TLL1: variants seen among roughly 807,000 people sequenced by gnomAD.
TLL1 encodes tolloid-like protein 1.
TLL1 carries 49 observed loss-of-function variants against 128.2 expected under a neutral mutation model. The observed-to-expected ratio is 0.38, with a 90% confidence interval of 0.30 to 0.48. The LOEUF is 0.48. Among genes scored for constraint, TLL1 ranks in the 20% least tolerant of loss-of-function variants. TLL1 has a pLI of 0.96. For synonymous variants in TLL1, 454 were observed against 418.8 expected, an observed-to-expected ratio of 1.08 and a Z score of -1.03; for missense variants, 1,123 against 1,242.0, an observed-to-expected ratio of 0.90 and a Z score of 1.44.
intron 18 of TLL1, among the ~76,000 whole-genome samples, chr4:166,080,317 T>G (rs2111144249): frequency 6.6e-6 from 1 of 152,264 alleles, no homozygotes; most frequent in Non-Finnish European, 1.5e-5. Flanking sequence ...TAACCTTAAT[T>G]ACCTCCCTAA....
intron 1 of TLL1, among the ~76,000 whole-genome samples, chr4:165,896,601 G>C (rs897395744): frequency 3.4e-5 from 5 of 149,006 alleles, no homozygotes; most frequent in African/African-American, 1.2e-4. Flanking sequence ...TCCTGCCTCA[G>C]CCTCCCAAGT....
At chr4:165,994,305 C>T in intron 3 of TLL1, 76 bp from the exon 4 acceptor site, 2 of 1,566,052 alleles carry the variant, frequency 1.3e-6, no homozygotes, top group South Asian at 2.3e-5. Context: ...GACATTTTAA[C>T]TTTTGTCCTT....
At chr4:166,095,936 ATGTG>A (rs1560868703) in intron 19 of TLL1, among the ~76,000 whole-genome samples, 1 of 152,102 alleles carries the variant, frequency 6.6e-6, no homozygotes, top group Non-Finnish European at 1.5e-5. Flanking sequence ...TGTGATGAAA[ATGTG>A]TTCACCGTAT....
chr4:165,961,668 T>C (rs1270355931), intron 1 of TLL1, among the ~76,000 whole-genome samples: 1 of 152,060 alleles, frequency 6.6e-6, no homozygotes, highest in Non-Finnish European at 1.5e-5. Flanking sequence ...CAAAGCTGCA[T>C]ACCTACAACC....
intron 1 of TLL1, among the ~76,000 whole-genome samples, chr4:165,955,778 C>G (rs1734757392): frequency 6.6e-6 from 1 of 152,144 alleles, no homozygotes. Flanking sequence ...TACAAGAGGT[C>G]TTTAAAGGAG....
intron 1 of TLL1, among the ~76,000 whole-genome samples, chr4:165,906,542 A>G (rs996050017): frequency 6.6e-6 from 1 of 152,184 alleles, no homozygotes; most frequent in Non-Finnish European, 1.5e-5. Flanking sequence ...GGAAATACAA[A>G]CTATTTTAAT....
In TLL1 at chr4:165,921,052, G is replaced by A. The variant is rs115429150; in HGVS notation, c.169+46979G>A. 3.1e-3 allele frequency among the ~76,000 whole-genome samples: 463 copies of A among 151,610 alleles called. 1 individual carries two copies. Among genetic ancestry groups the A allele is most frequent in the African/African-American group, 0.011 (446 of 41,336 alleles). ...GGAACATGCAGTTCAAAAGCTTCAG[G>A]TATACTCTAAGTTCAGACACCCCTT... On this transcript the variant is annotated intron_variant, in intron 1 of 20. Coordinates refer to ENST00000061240, the MANE Select transcript of TLL1 (RefSeq NM_012464.5).
At chr4:166,056,237 G>A (rs979444617) in intron 13 of TLL1, among the ~76,000 whole-genome samples, 3 of 152,024 alleles carry the variant, frequency 2.0e-5, no homozygotes, top group Non-Finnish European at 4.4e-5. Flanking sequence ...CTTCTTTCAT[G>A]TGATATTCAT....
At chr4:166,058,538 A>G (rs1043156473) in intron 14 of TLL1, among the ~76,000 whole-genome samples, 2 of 152,142 alleles carry the variant, frequency 1.3e-5, no homozygotes, top group Admixed American at 1.3e-4. Context: ...TCTTACCATT[A>G]TCTATGATCT....
intron 18 of TLL1, 65 bp downstream of exon 18, chr4:166,078,095 T>A: frequency 6.2e-7 from 1 of 1,605,194 alleles, no homozygotes; most frequent in Non-Finnish European, 8.5e-7. Flanking sequence ...TACAAGCACT[T>A]GGAAATAAAA....
At chr4:165,962,680 G>C (rs1222257743) in intron 1 of TLL1, among the ~76,000 whole-genome samples, 2 of 152,048 alleles carry the variant, frequency 1.3e-5, no homozygotes, top group Non-Finnish European at 2.9e-5. Context: ...ATGGTGGACT[G>C]GATAAAGAAA....
chr4:165,931,533 C>T (rs75632042), intron 1 of TLL1, among the ~76,000 whole-genome samples: 73 of 151,682 alleles, frequency 4.8e-4, no homozygotes, highest in African/African-American at 9.0e-4. Flanking sequence ...CTGGCCAACA[C>T]GGTGAAACCC....
chr4:165,945,856 G>A (rs1339878314), intron 1 of TLL1, among the ~76,000 whole-genome samples: 1 of 152,130 alleles, frequency 6.6e-6, no homozygotes, highest in East Asian at 1.9e-4. Flanking sequence ...CTGCTCTGAA[G>A]GGACTCTGCA....
intron 1 of TLL1, among the ~76,000 whole-genome samples, chr4:165,903,893 T>C (rs1732126690): frequency 6.6e-6 from 1 of 152,036 alleles, no homozygotes; most frequent in African/African-American, 2.4e-5. Context: ...CATCAAGGGG[T>C]ATACATAAAA....
At chr4:165,937,255 A>G (rs997261632) in intron 1 of TLL1, among the ~76,000 whole-genome samples, 2 of 152,118 alleles carry the variant, frequency 1.3e-5, no homozygotes, top group Non-Finnish European at 2.9e-5. Flanking sequence ...AAAAAACCTG[A>G]TGTGTTTGTT....
At chr4:166,022,250 T>C (rs1738276784) in intron 8 of TLL1, among the ~76,000 whole-genome samples, 2 of 151,782 alleles carry the variant, frequency 1.3e-5, no homozygotes, top group Admixed American at 6.6e-5. Context: ...CTGCAATCTC[T>C]GCCTCCCGGG....
chr4:166,020,863 AT>A (rs1738194259), intron 8 of TLL1, among the ~76,000 whole-genome samples: 1 of 152,332 alleles, frequency 6.6e-6, no homozygotes, highest in Middle Eastern at 3.4e-3. Context: ...CTCTATTGTT[AT>A]GTAAAAGTGT....
chr4:166,053,063 T>C lies in TLL1; in HGVS notation c.1525-2013T>C, dbSNP rs571777834. On this transcript the variant is annotated intron_variant, in intron 12 of 20. Coordinates refer to ENST00000061240, the MANE Select transcript of TLL1 (RefSeq NM_012464.5). ...TGCTTTTAAAATTAGATATTCTTTA[T>C]ATAAATATTTTCCATTTATTCCCAT... 8.0e-5 allele frequency: 12 copies of C among 150,054 alleles called. No homozygotes were observed. In the East Asian group the frequency reaches 2.4e-3, roughly 29 times the overall value. The allele number at this position is 150,054 out of a possible 1,614,324, so 9.3% of individuals were successfully genotyped here. A position where few individuals can be genotyped will look rare whatever the true frequency, so the allele number is the denominator to read the frequency against.
intron 18 of TLL1, among the ~76,000 whole-genome samples, chr4:166,082,659 A>G (rs1331666112): frequency 6.6e-6 from 1 of 151,856 alleles, no homozygotes; most frequent in African/African-American, 2.4e-5. Context: ...AGGATCTTTA[A>G]CTTTTTTGTT....
Sources: allele counts gnomAD v4.1 joint callset (sites outside exome capture counted in the v4.1 genomes callset), GRCh38; gene constraint gnomAD v4.1.1; transcripts MANE v1.5; gene names NCBI Gene and HGNC (gene_info 2026-07-23, HGNC 2026-07-21).